COL5A2: variants seen among roughly 807,000 people sequenced by gnomAD.
COL5A2 encodes collagen type V alpha 2 chain, also known as collagen alpha-2(V) chain.
COL5A2 carries 23 observed loss-of-function variants against 208.2 expected under a neutral mutation model. That is an observed-to-expected ratio of 0.11 (90% CI 0.08 to 0.16). The LOEUF (loss-of-function observed/expected upper bound fraction) is 0.16. COL5A2 is among the 10% of genes least tolerant of loss of function. The pLI is 1.00. For missense variants in COL5A2, 1,590 were observed against 1,956.4 expected, an observed-to-expected ratio of 0.81 and a Z score of 3.53; for synonymous variants, 625 against 628.5, an observed-to-expected ratio of 0.99 and a Z score of 0.08.
chr2:189,343,659 T>C, the COL5A2 span, among the ~76,000 whole-genome samples: 6 of 152,186 alleles, frequency 3.9e-5, no homozygotes, highest in Non-Finnish European at 1.5e-5. Flanking sequence ...AGTGGTTAGC[T>C]CCTCGTTAAC....
At chr2:189,434,355 A>G in the COL5A2 span, among the ~76,000 whole-genome samples, 1 of 152,140 alleles carries the variant, frequency 6.6e-6, no homozygotes, top group Non-Finnish European at 1.5e-5. Flanking sequence ...GAAAGAAATA[A>G]AGGGTATTCA....
At chr2:189,309,207 T>C in the COL5A2 span, among the ~76,000 whole-genome samples, 3 of 152,056 alleles carry the variant, frequency 2.0e-5, no homozygotes. Context: ...AAAATAATAA[T>C]TGGTCACAGC....
chr2:189,234,722 T>C, the COL5A2 span, among the ~76,000 whole-genome samples: 1 of 151,742 alleles, frequency 6.6e-6, no homozygotes, highest in African/African-American at 2.4e-5. Flanking sequence ...CCTTTGCAAA[T>C]TACATAATGC....
chr2:189,292,718 T>C, the COL5A2 span, among the ~76,000 whole-genome samples: 2 of 152,078 alleles, frequency 1.3e-5, no homozygotes, highest in Non-Finnish European at 2.9e-5. Context: ...GATCTAGAAC[T>C]AGAAATACCA....
chr2:189,164,833 A>T (rs1319253599), intron 1 of COL5A2, among the ~76,000 whole-genome samples: 1 of 152,236 alleles, frequency 6.6e-6, no homozygotes, highest in Non-Finnish European at 1.5e-5. Flanking sequence ...TAAAGAATTT[A>T]TAAGGAAAGA....
At chr2:189,373,929 C>T in the COL5A2 span, among the ~76,000 whole-genome samples, 1 of 152,122 alleles carries the variant, frequency 6.6e-6, no homozygotes, top group Admixed American at 6.5e-5. Flanking sequence ...CTTTCACGTA[C>T]CTATTTTGAA....
Position 189,035,097 on chromosome 2 carries a change from C to A in COL5A2, c.4172G>T (p.Arg1391Leu). 4.3e-6 allele frequency: 7 copies of A among 1,613,678 alleles called. No homozygotes were observed. Among genetic ancestry groups the A allele is most frequent in the Non-Finnish European group, 5.9e-6 (7 of 1,179,850 alleles). ...NTAITQMTFL[R>L]LLSKEASQNI... ...CTGGGAGGCTTCTTTTGATAAAAGG[C>A]GCAAAAAAGTCATCTGAGTAATGGC... Residue 1391 changes from arginine to leucine, a missense_variant, in exon 53 of 54, where the codon CGC (arginine) becomes CTC (leucine). Coordinates refer to ENST00000374866, the MANE Select transcript of COL5A2 (RefSeq NM_000393.5).
At chr2:189,154,689 T>C (rs1688210868) in intron 1 of COL5A2, among the ~76,000 whole-genome samples, 1 of 152,186 alleles carries the variant, frequency 6.6e-6, no homozygotes, top group South Asian at 2.1e-4. Flanking sequence ...CAGGCTGTTC[T>C]TGACTCAAGC....
the COL5A2 span, among the ~76,000 whole-genome samples, chr2:189,337,403 C>T: frequency 2.0e-5 from 3 of 151,800 alleles, no homozygotes; most frequent in Non-Finnish European, 2.9e-5. Flanking sequence ...CGGATGGTCT[C>T]GATCTCCTGA....
At chr2:189,396,012 T>C in the COL5A2 span, among the ~76,000 whole-genome samples, 2 of 149,430 alleles carry the variant, frequency 1.3e-5, no homozygotes, top group Admixed American at 1.3e-4. Context: ...TTACAAAGAA[T>C]ATATACATAG....
At chr2:189,242,863 G>A in the COL5A2 span, among the ~76,000 whole-genome samples, 1 of 152,172 alleles carries the variant, frequency 6.6e-6, no homozygotes, top group Admixed American at 6.5e-5. Flanking sequence ...CAGTGCTCAG[G>A]AACTTCGAGG....
the COL5A2 span, among the ~76,000 whole-genome samples, chr2:189,384,765 G>A: frequency 6.6e-6 from 1 of 151,986 alleles, no homozygotes; most frequent in Non-Finnish European, 1.5e-5. Context: ...GATCCCATTT[G>A]TCCATTTTTG....
the COL5A2 span, among the ~76,000 whole-genome samples, chr2:189,286,304 TA>T: frequency 3.0e-4 from 45 of 152,154 alleles, no homozygotes; most frequent in African/African-American, 9.7e-4. Flanking sequence ...AAACTATAGA[TA>T]TTTTTTTCTA....
the COL5A2 span, among the ~76,000 whole-genome samples, chr2:189,342,374 AT>A: frequency 0.025 from 3,565 of 141,042 alleles, 151 homozygotes; most frequent in African/African-American, 0.084. Flanking sequence ...TAATTTATAT[AT>A]TTATTTATTT....
the COL5A2 span, among the ~76,000 whole-genome samples, chr2:189,302,302 G>A: frequency 6.6e-6 from 1 of 152,108 alleles, no homozygotes; most frequent in African/African-American, 2.4e-5. Context: ...AAGTTAAGGG[G>A]CTGTTTGCTT....
At chr2:189,239,785 T>C in the COL5A2 span, among the ~76,000 whole-genome samples, 3 of 151,092 alleles carry the variant, frequency 2.0e-5, no homozygotes, top group Admixed American at 2.0e-4. Context: ...TAAAATAAAA[T>C]AAATAAAAAA....
chr2:189,262,087 A>C, the COL5A2 span, among the ~76,000 whole-genome samples: 3 of 152,292 alleles, frequency 2.0e-5, no homozygotes, highest in Admixed American at 6.5e-5. Flanking sequence ...ACAAATTCAA[A>C]AGAAAATTTC....
At chr2:189,162,448 T>C (rs1285037944) in intron 1 of COL5A2, among the ~76,000 whole-genome samples, 16 of 152,312 alleles carry the variant, frequency 1.1e-4, no homozygotes, top group Admixed American at 7.8e-4. Flanking sequence ...GTCAGAATCA[T>C]CCAAAGCAAA....
chr2:189,086,366 C>T (rs72904488), intron 9 of COL5A2, among the ~76,000 whole-genome samples: 12,139 of 152,154 alleles, frequency 0.08, 606 homozygotes, highest in South Asian at 0.16. Context: ...TAATACTACA[C>T]GGGGATTGCC....
Sources: gnomAD v4.1 joint callset for allele counts (sites outside exome capture counted in the v4.1 genomes callset) on GRCh38, gnomAD v4.1.1 for gene constraint, MANE v1.5 for transcripts, NCBI Gene and HGNC (gene_info 2026-07-23, HGNC 2026-07-21) for gene names.